Variants in SEPTIN9 observed in about 807,000 individuals in gnomAD.
The protein encoded by SEPTIN9 is septin 9.
A neutral mutation model predicts 56.6 loss-of-function variants in SEPTIN9; 13 were observed. That is an observed-to-expected ratio of 0.23 (90% CI 0.15 to 0.37). SEPTIN9 has a LOEUF of 0.37. Ranked by LOEUF, SEPTIN9 falls within the 10% of genes least tolerant of loss-of-function variation. The pLI is 1.00. For synonymous variants in SEPTIN9, 332 were observed against 334.1 expected (o/e 0.99, Z 0.07); for missense variants, 650 against 823.1 (o/e 0.79, Z 2.57).
chr17:77,485,609 A>G (rs1049179474), intron 4 of SEPTIN9, among the ~76,000 whole-genome samples: 1 of 151,938 alleles, frequency 6.6e-6, no homozygotes, highest in Non-Finnish European at 1.5e-5. Flanking sequence ...CCCAGTTGGC[A>G]TCTCCTAGAT....
intron 2 of SEPTIN9, among the ~76,000 whole-genome samples, chr17:77,393,392 C>A (rs1029107958): frequency 6.6e-6 from 1 of 152,042 alleles, no homozygotes; most frequent in Non-Finnish European, 1.5e-5. Flanking sequence ...GGTGGAGACA[C>A]GGAAATAGGC....
At chr17:77,298,996 C>T (rs1447682364) in intron 1 of SEPTIN9, among the ~76,000 whole-genome samples, 1 of 152,128 alleles carries the variant, frequency 6.6e-6, no homozygotes, top group East Asian at 1.9e-4. Flanking sequence ...GCTTTAAAAG[C>T]TCCTCACTCT....
Position 77,482,563 on chromosome 17 carries a change from T to G in SEPTIN9, c.913+228T>G, listed in dbSNP as rs2143223374. 4 of 695,902 alleles carry G rather than the reference T, an allele frequency of 5.7e-6. No individual in the cohort carries two copies. The South Asian group carries it at 5.9e-5, about 10-fold the overall frequency. The allele number at this position is 695,902 out of a possible 1,614,324, so 43.1% of individuals were successfully genotyped here. A position where few individuals can be genotyped will look rare whatever the true frequency, so the allele number is the denominator to read the frequency against. On this transcript the variant is annotated intron_variant, in intron 4 of 11. Coordinates refer to ENST00000427177, the MANE Select transcript of SEPTIN9 (RefSeq NM_001113491.2). ...GCCTGTCCTGCACATCCAGGGCCCC[T>G]GAGATGACTTTGGGGAGCCCAGGCC... is the stretch of plus-strand genomic sequence containing the variant.
intron 1 of SEPTIN9, among the ~76,000 whole-genome samples, chr17:77,303,346 C>T (rs1193813024): frequency 6.6e-5 from 10 of 151,488 alleles, no homozygotes; most frequent in Non-Finnish European, 1.0e-4. Flanking sequence ...GACTGGCCCA[C>T]GTCAGCCTCC....
At chr17:77,363,481 G>T (rs1282009499) in intron 2 of SEPTIN9, among the ~76,000 whole-genome samples, 1 of 137,608 alleles carries the variant, frequency 7.3e-6, no homozygotes, top group Non-Finnish European at 1.5e-5. Context: ...TCTGCCTCCT[G>T]CGTTCAAGCA....
At chr17:77,468,375 C>T (rs1342487508) in intron 3 of SEPTIN9, among the ~76,000 whole-genome samples, 1 of 152,160 alleles carries the variant, frequency 6.6e-6, no homozygotes, top group South Asian at 2.1e-4. Context: ...AAGGGATGGT[C>T]CCGGCAGGGA....
chr17:77,394,809 A>T (rs2035651041), intron 2 of SEPTIN9, among the ~76,000 whole-genome samples: 1 of 152,198 alleles, frequency 6.6e-6, no homozygotes, highest in Non-Finnish European at 1.5e-5. Context: ...TGTGCGGCAC[A>T]TTCCTCTCTA....
At chr17:77,414,416 A>G (rs2036419511) in intron 3 of SEPTIN9, among the ~76,000 whole-genome samples, 1 of 152,118 alleles carries the variant, frequency 6.6e-6, no homozygotes. Context: ...TTTTCAGTCT[A>G]TTCAGAGAGT....
At chr17:77,347,981 G>A (rs2033939270) in intron 2 of SEPTIN9, among the ~76,000 whole-genome samples, 1 of 152,098 alleles carries the variant, frequency 6.6e-6, no homozygotes, top group Non-Finnish European at 1.5e-5. Context: ...CTTATGATGG[G>A]TTTGTCAAGA....
chr17:77,459,841 A>G (rs1234536642), intron 3 of SEPTIN9, among the ~76,000 whole-genome samples: 1 of 152,116 alleles, frequency 6.6e-6, no homozygotes, highest in African/African-American at 2.4e-5. Context: ...GCGCCCGGCT[A>G]ATTTTTTTGT....
chr17:77,490,808 C>A lies in SEPTIN9; in HGVS notation c.1329C>A (p.Ile443=). The change falls in exon 8 of 12, where the codon ATC becomes ATA. Residue 443 remains isoleucine (I), a synonymous_variant. Coordinates refer to ENST00000427177, the MANE Select transcript of SEPTIN9 (RefSeq NM_001113491.2). ...LSKVVNIVPV[I]AKADTLTLEE... ...AGGTGGTCAACATCGTCCCTGTCAT[C>A]GCCAAGGCGGACACACTCACCCTGG... 1 of 1,595,838 alleles carries A rather than the reference C, an allele frequency of 6.3e-7. No homozygotes were observed. Among genetic ancestry groups the A allele is most frequent in the Admixed American group, 1.7e-5 (1 of 57,652 alleles).
At position 77,470,183 on chromosome 17, in the gene SEPTIN9, TCATCCACC is replaced by T. The variant is rs1242762646; in HGVS notation, c.722-11953_722-11946del. 3.7e-5 allele frequency among the ~76,000 whole-genome samples: 5 copies of T among 135,498 alleles called. No homozygotes were observed. The East Asian group carries it at 1.2e-3, about 33-fold the overall frequency. The allele number at this position is 135,498 out of a possible 152,430, so 88.9% of individuals were successfully genotyped here. A position where few individuals can be genotyped will look rare whatever the true frequency, so the allele number is the denominator to read the frequency against. On this transcript the variant is annotated intron_variant, in intron 3 of 11. Transcript: ENST00000427177. ...TTTATCCATCCACTCAACCATCCAC[TCATCCACC>T]CATCCACTCATCATCCGTCCACTCA...
Position 77,291,977 on chromosome 17 carries a change from G to A in SEPTIN9, c.19+10423G>A, listed in dbSNP as rs1339308757. Among the ~76,000 whole-genome samples the A allele has an allele frequency of 3.3e-5, 5 of 152,292 alleles. No homozygotes were observed. The East Asian group carries it at 5.8e-4, about 18-fold the overall frequency. ...TTGCCCTCAGTCTGCTGGTCCCCCT[G>A]CGAAGGCCCAGGGCTTCCTTGTTTG... On this transcript the variant is annotated intron_variant, in intron 1 of 11. Transcript: ENST00000427177.
chr17:77,293,663 C>G (rs1248686395), intron 1 of SEPTIN9, among the ~76,000 whole-genome samples: 1 of 152,198 alleles, frequency 6.6e-6, no homozygotes, highest in Non-Finnish European at 1.5e-5. Flanking sequence ...AAATTATAAG[C>G]AGCTGTTAAA....
intron 3 of SEPTIN9, among the ~76,000 whole-genome samples, chr17:77,409,495 A>AGC (rs34691085): frequency 0.4 from 60,365 of 151,856 alleles, 12,390 homozygotes; most frequent in African/African-American, 0.48. Context: ...CCTTAAATAG[A>AGC]GCGCAGCTGC....
intron 2 of SEPTIN9, among the ~76,000 whole-genome samples, chr17:77,325,574 G>A (rs1193047141): frequency 6.6e-6 from 1 of 152,194 alleles, no homozygotes; most frequent in Admixed American, 6.5e-5. Context: ...GGCGTCCTGA[G>A]GCCTGCCCTG....
chr17:77,444,444 A>C (rs1251869246), intron 3 of SEPTIN9, among the ~76,000 whole-genome samples: 1 of 148,190 alleles, frequency 6.7e-6, no homozygotes, highest in Non-Finnish European at 1.5e-5. Flanking sequence ...AGAAACAGCC[A>C]GTAGGACTTT....
At chr17:77,413,793 G>A (rs1442999988) in intron 3 of SEPTIN9, among the ~76,000 whole-genome samples, 1 of 151,964 alleles carries the variant, frequency 6.6e-6, no homozygotes, top group African/African-American at 2.4e-5. Context: ...AGTCTGGACT[G>A]CAGCCTCCAG....
At chr17:77,466,054 TCACACA>T (rs10599395) in intron 3 of SEPTIN9, among the ~76,000 whole-genome samples, 23,145 of 127,152 alleles carry the variant, frequency 0.18, 2,112 homozygotes, top group Admixed American at 0.22. Context: ...TTCTGGACTG[TCACACA>T]CACACACACA....
Sources: allele counts gnomAD v4.1 joint callset (sites outside exome capture counted in the v4.1 genomes callset), GRCh38; gene constraint gnomAD v4.1.1; transcripts MANE v1.5; gene names NCBI Gene and HGNC (gene_info 2026-07-23, HGNC 2026-07-21).